Variants in POC1A observed in about 807,000 individuals in gnomAD.
POC1A encodes POC1 centriolar protein homolog A.
In POC1A, 34 loss-of-function variants were observed where a neutral mutation model predicts 47.8. That is an observed-to-expected ratio of 0.71 (90% CI 0.54 to 0.95). The LOEUF (loss-of-function observed/expected upper bound fraction) is 0.95. Among genes scored for constraint, POC1A ranks in the 40% least tolerant of loss-of-function variants. The pLI is 0.00. For missense variants in POC1A, 466 were observed against 528.3 expected (o/e 0.88, Z 1.16); for synonymous variants, 177 against 207.6 (o/e 0.85, Z 1.27).
chr3:52,129,887 T>G (rs1208910329), intron 7 of POC1A, among the ~76,000 whole-genome samples: 1 of 152,190 alleles, frequency 6.6e-6, no homozygotes, highest in African/African-American at 2.4e-5. Flanking sequence ...AGGACCCACA[T>G]TGCCTGGTTT....
rs1049582141 is a variant in POC1A, at chr3:52,154,388, G to C, written c.-16C>G. 2.7e-6 allele frequency: 4 copies of C among 1,469,372 alleles called. No homozygotes were observed. Among genetic ancestry groups the C allele is most frequent in the Non-Finnish European group, 3.6e-6 (4 of 1,116,744 alleles). The allele number at this position is 1,469,372 out of a possible 1,614,324, so 91.0% of individuals were successfully genotyped here. On this transcript the variant is annotated 5_prime_UTR_variant, in exon 1 of 11. Transcript: ENST00000296484. ...GCGCAGCCATGGCGGGGCTGGCGGC[G>C]CCGAAGGCAGCTGCGGTGGCCGTTG...
At position 52,138,251 on chromosome 3, in the gene POC1A, A is replaced by C; in HGVS notation, c.731T>G (p.Leu244Arg). 6.2e-7 allele frequency: 1 copy of C among 1,614,142 alleles called. No homozygotes were observed. The highest frequency in any genetic ancestry group is 8.5e-7 in the Non-Finnish European group (1 of 1,179,974). Residue 244 changes from leucine (L) to arginine (R), a missense_variant, in exon 7 of 11, where the codon CTG becomes CGG. Transcript: ENST00000296484. The stretch of plus-strand genomic sequence containing the variant: ...GGTTGAGTCACTGGAGGCTGTGATC[A>C]GGTAGTTTCCCGACGGGTGGAAAGA... ...GLSFHPSGNY[L>R]ITASSDSTLK...
chr3:52,106,217 A>G (rs904873691), intron 9 of POC1A, among the ~76,000 whole-genome samples: 1 of 150,736 alleles, frequency 6.6e-6, no homozygotes, highest in African/African-American at 2.4e-5. Flanking sequence ...GTTCAGAGAC[A>G]TGGGGCCTGG....
chr3:52,083,542 T>A (rs1450300268), intron 10 of POC1A, among the ~76,000 whole-genome samples: 1 of 152,190 alleles, frequency 6.6e-6, no homozygotes, highest in Admixed American at 6.5e-5. Flanking sequence ...AGCCTCTTTT[T>A]CTCCCTGGCC....
intron 9 of POC1A, among the ~76,000 whole-genome samples, chr3:52,103,311 G>A (rs775337522): frequency 5.9e-5 from 9 of 152,236 alleles, no homozygotes; most frequent in Non-Finnish European, 1.2e-4. Flanking sequence ...TGGATCATCT[G>A]AGGTCAAGAG....
intron 7 of POC1A, among the ~76,000 whole-genome samples, chr3:52,135,523 A>T (rs1482936741): frequency 1.3e-5 from 2 of 152,150 alleles, no homozygotes; most frequent in African/African-American, 4.8e-5. Context: ...AAGTGCTGGG[A>T]TGACAGGAGT....
At chr3:52,099,714 G>T (rs540856470) in intron 9 of POC1A, among the ~76,000 whole-genome samples, 8 of 152,172 alleles carry the variant, frequency 5.3e-5, no homozygotes, top group Admixed American at 2.6e-4. Context: ...AGCCAGGCAT[G>T]GTGGTAGGCA....
At chr3:52,129,066 G>A (rs1704116514) in intron 7 of POC1A, among the ~76,000 whole-genome samples, 1 of 152,034 alleles carries the variant, frequency 6.6e-6, no homozygotes, top group Non-Finnish European at 1.5e-5. Flanking sequence ...GATCATTTGA[G>A]GTCAGGAGTT....
In POC1A at chr3:52,075,928, GAC is replaced by G; in HGVS notation, c.1181_1182del (p.Cys394SerfsTer41). On this transcript the variant is annotated frameshift_variant, in exon 11 of 11. Transcript: ENST00000296484. LOFTEE classifies it high-confidence loss of function. ...LTLTEDKLKQ[C>X]LENQQLIMQR... ...TGCATGATTAGCTGCTGGTTCTCCAGACACTGCTTCAGCTTGTCTTCTGTCAG... is the reference window on the plus strand; with the variant it reads ...TGCATGATTAGCTGCTGGTTCTCCAGACTGCTTCAGCTTGTCTTCTGTCAG... 2 of 1,614,098 alleles carry G rather than the reference GAC, an allele frequency of 1.2e-6. No individual in the cohort carries two copies. Among genetic ancestry groups the G allele is most frequent in the South Asian group, 2.2e-5 (2 of 91,078 alleles).
intron 5 of POC1A, 53 bp from the exon 6 acceptor site, chr3:52,146,014 C>T (rs1043048822): frequency 1.2e-5 from 13 of 1,110,494 alleles, no homozygotes; most frequent in Admixed American, 3.6e-5. Flanking sequence ...TGGTTCAGGA[C>T]GGACCCAGAA....
At chr3:52,117,803 G>A (rs1212795950) in intron 9 of POC1A, among the ~76,000 whole-genome samples, 1 of 152,126 alleles carries the variant, frequency 6.6e-6, no homozygotes, top group African/African-American at 2.4e-5. Flanking sequence ...CAGACATTTG[G>A]AAGGAGGGCA....
chr3:52,150,925 G>T, intron 2 of POC1A, 91 bp downstream of exon 2: 1 of 1,147,442 alleles, frequency 8.7e-7, no homozygotes, highest in Non-Finnish European at 1.3e-6. Context: ...TGCAGTCCTT[G>T]TGCTCTGCTT....
chr3:52,149,060 C>A, intron 4 of POC1A, 150 bp downstream of exon 4: 1 of 628,710 alleles, frequency 1.6e-6, no homozygotes, highest in Non-Finnish European at 2.8e-6. Flanking sequence ...TATTATTGTT[C>A]CATTTTACAG....
chr3:52,148,523 A>G lies in POC1A; in HGVS notation c.455+687T>C, dbSNP rs892084380. ...AGGAATGAAATAAGCTAGAAGTAGG[A>G]CTATCTGTCTGCAATTCTTGGACCT... is the stretch of plus-strand genomic sequence containing the variant. On this transcript the variant is annotated intron_variant, in intron 4 of 10. Coordinates refer to ENST00000296484, the MANE Select transcript of POC1A (RefSeq NM_015426.5). Among the ~76,000 whole-genome samples, 3 of 152,246 alleles carry G rather than the reference A, an allele frequency of 2.0e-5. 1 individual carries two copies. The South Asian group carries it at 6.2e-4, about 31-fold the overall frequency.
At chr3:52,105,293 G>T (rs1703139316) in intron 9 of POC1A, among the ~76,000 whole-genome samples, 1 of 152,216 alleles carries the variant, frequency 6.6e-6, no homozygotes, top group Admixed American at 6.5e-5. Flanking sequence ...ACACCCCCAT[G>T]ATTAAATATT....
intron 9 of POC1A, among the ~76,000 whole-genome samples, chr3:52,105,509 C>T (rs1703146121): frequency 6.6e-6 from 1 of 152,214 alleles, no homozygotes; most frequent in African/African-American, 2.4e-5. Context: ...ACCGAGCTCA[C>T]GTGGACTCAG....
intron 9 of POC1A, among the ~76,000 whole-genome samples, chr3:52,117,020 T>C (rs951824717): frequency 6.6e-6 from 1 of 152,130 alleles, no homozygotes; most frequent in Admixed American, 6.5e-5. Flanking sequence ...AAATCCCATC[T>C]CTACTAAAAA....
intron 6 of POC1A, 81 bp downstream of exon 6, chr3:52,145,765 A>G: frequency 1.1e-6 from 1 of 878,254 alleles, no homozygotes; most frequent in East Asian, 2.5e-5. Context: ...CCATTTAAGC[A>G]CTACAGCACA....
chr3:52,096,783 C>G, intron 9 of POC1A, 71 bp from the exon 10 acceptor site: 1 of 1,348,416 alleles, frequency 7.4e-7, no homozygotes, highest in Non-Finnish European at 9.9e-7. Flanking sequence ...GGAATAGCCC[C>G]TCCAAAGGAT....
Sources: allele counts gnomAD v4.1 joint callset (sites outside exome capture counted in the v4.1 genomes callset), GRCh38; gene constraint gnomAD v4.1.1; transcripts MANE v1.5; gene names NCBI Gene and HGNC (gene_info 2026-07-23, HGNC 2026-07-21).